NDUFV2: variants seen among roughly 807,000 people sequenced by gnomAD.
NDUFV2 encodes NADH:ubiquinone oxidoreductase core subunit V2, also known as NADH dehydrogenase [ubiquinone] flavoprotein 2, mitochondrial.
In NDUFV2, 18 loss-of-function variants were observed where a neutral mutation model predicts 31.6. The ratio of observed to expected loss-of-function variants is 0.57; its 90% CI spans 0.39 to 0.84. The LOEUF is 0.84. NDUFV2 is among the 40% of genes least tolerant of loss of function. The pLI is 0.00. For synonymous variants in NDUFV2, 83 were observed against 99.8 expected, an observed-to-expected ratio of 0.83 and a Z score of 1.01; for missense variants, 314 against 303.6, an observed-to-expected ratio of 1.03 and a Z score of -0.26.
intron 1 of NDUFV2, among the ~76,000 whole-genome samples, chr18:9,109,944 C>A (rs1291271315): frequency 6.6e-6 from 1 of 152,012 alleles, no homozygotes; most frequent in Non-Finnish European, 1.5e-5. Flanking sequence ...TAATTTTGAG[C>A]TGTATATTAG....
At chr18:9,103,337 C>T (rs1272254077) in intron 1 of NDUFV2, 1 of 391,616 alleles carries the variant, frequency 2.6e-6, no homozygotes, top group African/African-American at 2.1e-5. Flanking sequence ...ATCAAACTAA[C>T]TCTGAAAGAA....
At chr18:9,126,542 A>G in intron 6 of NDUFV2, 2 of 378,148 alleles carry the variant, frequency 5.3e-6, no homozygotes. Context: ...TGTACTATAT[A>G]TAGGAGTTAC....
chr18:9,118,186 C>T (rs1203676722), intron 2 of NDUFV2, among the ~76,000 whole-genome samples: 3 of 152,164 alleles, frequency 2.0e-5, no homozygotes, highest in African/African-American at 7.2e-5. Context: ...TTTGGGTTCT[C>T]AGTCATGTTG....
At chr18:9,128,677 T>G (rs972035099) in intron 7 of NDUFV2, among the ~76,000 whole-genome samples, 4 of 152,094 alleles carry the variant, frequency 2.6e-5, no homozygotes, top group African/African-American at 7.2e-5. Context: ...ATAGACACTG[T>G]CCCCCCAAAA....
At chr18:9,125,004 A>G (rs770511907) in intron 6 of NDUFV2, 21 bp downstream of exon 6, 6 of 1,609,806 alleles carry the variant, frequency 3.7e-6, no homozygotes, top group Non-Finnish European at 5.1e-6. Flanking sequence ...CAGGTAATAC[A>G]AGTTAAAGTT....
At chr18:9,116,658 A>G (rs1194436634) in intron 1 of NDUFV2, among the ~76,000 whole-genome samples, 1 of 152,240 alleles carries the variant, frequency 6.6e-6, no homozygotes, top group Non-Finnish European at 1.5e-5. Context: ...ATTAAAGCAG[A>G]TGTTCCATGT....
rs372617416 is a variant in NDUFV2, at chr18:9,113,032, ATACTC to A, written c.55-4802_55-4798del. Among the ~76,000 whole-genome samples, 1,233 of 152,340 alleles carry A rather than the reference ATACTC, an allele frequency of 8.1e-3. 26 individuals carry two copies. The highest frequency in any genetic ancestry group is 0.028 in the African/African-American group (1,172 of 41,562). ...ATCACTGTTATCTAATATTCCATAA[ATACTC>A]TACATATGGAGAGACAATACAACAA... is the stretch of plus-strand genomic sequence containing the variant. On this transcript the variant is annotated intron_variant, in intron 1 of 7. Coordinates refer to ENST00000318388, the MANE Select transcript of NDUFV2 (RefSeq NM_021074.5).
chr18:9,129,161 G>T (rs2078018514), intron 7 of NDUFV2, among the ~76,000 whole-genome samples: 1 of 152,086 alleles, frequency 6.6e-6, no homozygotes, highest in Admixed American at 6.5e-5. Flanking sequence ...GGGTGGTCTC[G>T]AACTCCTGAC....
chr18:9,116,432 C>T (rs1211037990), intron 1 of NDUFV2, among the ~76,000 whole-genome samples: 1 of 152,124 alleles, frequency 6.6e-6, no homozygotes, highest in Non-Finnish European at 1.5e-5. Context: ...AAAATTGTTA[C>T]TCGATTAAAA....
At chr18:9,102,887 G>A in intron 1 of NDUFV2, 90 bp downstream of exon 1, 1 of 1,376,028 alleles carries the variant, frequency 7.3e-7, no homozygotes, top group South Asian at 1.4e-5. Context: ...AGAGCCCTGG[G>A]CTCTGCACGG....
intron 1 of NDUFV2, 27 bp from the exon 2 acceptor site, chr18:9,117,810 TA>T: frequency 7.1e-7 from 1 of 1,398,972 alleles, no homozygotes; most frequent in Non-Finnish European, 1.0e-6. Flanking sequence ...TATGATTTAC[TA>T]AACTTTCTTA....
At chr18:9,117,798 G>GAAATA in intron 1 of NDUFV2, 40 bp from the exon 2 acceptor site, 2 of 1,193,676 alleles carry the variant, frequency 1.7e-6, no homozygotes, top group Non-Finnish European at 2.5e-6. Flanking sequence ...ATTTTTTAAG[G>GAAATA]CTATGATTTA....
intron 6 of NDUFV2, among the ~76,000 whole-genome samples, chr18:9,126,400 G>A (rs534370498): frequency 6.6e-6 from 1 of 152,334 alleles, no homozygotes; most frequent in East Asian, 1.9e-4. Flanking sequence ...GGGAGGCTGG[G>A]TAACTTGTCC....
At chr18:9,127,129 C>T (rs1164473412) in intron 7 of NDUFV2, among the ~76,000 whole-genome samples, 3 of 152,108 alleles carry the variant, frequency 2.0e-5, no homozygotes, top group African/African-American at 7.2e-5. Flanking sequence ...GGAAATTTTA[C>T]TACAAATAGA....
intron 6 of NDUFV2, among the ~76,000 whole-genome samples, chr18:9,126,465 A>G (rs1274599614): frequency 6.6e-6 from 1 of 152,228 alleles, no homozygotes; most frequent in Non-Finnish European, 1.5e-5. Context: ...ATATGTTTCA[A>G]TTCAGAGCAA....
chr18:9,107,361 C>T (rs376790793), intron 1 of NDUFV2, among the ~76,000 whole-genome samples: 10 of 152,216 alleles, frequency 6.6e-5, no homozygotes, highest in Admixed American at 5.9e-4. Context: ...GCTGTATAAC[C>T]TATTGAGTGA....
chr18:9,117,852 G>GA lies in NDUFV2; in HGVS notation c.71dup (p.Asn24LysfsTer4). ...TTAAATTTTAGGGAAGACATGTAAG[G>GA]AATTTGCATAAGACAGTTATGCAAA... On this transcript the variant is annotated frameshift_variant, in exon 2 of 8. Transcript: ENST00000318388. LOFTEE classifies it high-confidence loss of function. 2 of 1,596,838 alleles carry GA rather than the reference G, an allele frequency of 1.3e-6. No individual in the cohort carries two copies. The highest frequency in any genetic ancestry group is 1.7e-6 in the Non-Finnish European group (2 of 1,164,938).
intron 1 of NDUFV2, among the ~76,000 whole-genome samples, chr18:9,112,017 G>GTTTTTT (rs10659823): frequency 4.9e-5 from 6 of 122,374 alleles, no homozygotes; most frequent in African/African-American, 1.6e-4. Flanking sequence ...CATCAGAAGG[G>GTTTTTT]TTTTTTTTTT....
At chr18:9,113,358 C>A (rs1405226388) in intron 1 of NDUFV2, among the ~76,000 whole-genome samples, 1 of 152,166 alleles carries the variant, frequency 6.6e-6, no homozygotes, top group Non-Finnish European at 1.5e-5. Flanking sequence ...GAAACTGGCA[C>A]ATTTCTAGAT....
Sources: allele counts gnomAD v4.1 joint callset (sites outside exome capture counted in the v4.1 genomes callset), GRCh38; gene constraint gnomAD v4.1.1; transcripts MANE v1.5; gene names NCBI Gene and HGNC (gene_info 2026-07-23, HGNC 2026-07-21).